GSE1: variants seen among roughly 807,000 people sequenced by gnomAD.
The protein encoded by GSE1 is Gse1 coiled-coil protein, also known as genetic suppressor element 1.
GSE1 carries 32 observed loss-of-function variants against 112.6 expected under a neutral mutation model. The observed-to-expected ratio is 0.28, with a 90% confidence interval of 0.21 to 0.38. GSE1 has a LOEUF of 0.38. Ranked by LOEUF, GSE1 falls within the 10% of genes least tolerant of loss-of-function variation. The pLI is 1.00. For missense variants in GSE1, 2,348 were observed against 1,699.2 expected, an observed-to-expected ratio of 1.38 and a Z score of -6.71; for synonymous variants, 1,115 against 735.6, an observed-to-expected ratio of 1.52 and a Z score of -8.35.
At chr16:85,388,348 A>G (rs62648810) in intron 2 of GSE1, among the ~76,000 whole-genome samples, 32,927 of 34,590 alleles carry the variant, frequency 0.95, 15,863 homozygotes, top group South Asian at 0.97. Context: ...GTATGGCTGG[A>G]TGGATGGGTG....
At chr16:85,255,763 A>G (rs967385498) in intron 1 of GSE1, among the ~76,000 whole-genome samples, 4 of 151,022 alleles carry the variant, frequency 2.6e-5, no homozygotes, top group African/African-American at 9.8e-5. Flanking sequence ...ATCTCGGCTC[A>G]CTGTAGCCTC....
intron 1 of GSE1, among the ~76,000 whole-genome samples, chr16:85,219,465 G>C (rs1280102795): frequency 6.6e-6 from 1 of 152,222 alleles, no homozygotes; most frequent in Non-Finnish European, 1.5e-5. Context: ...CCTGGGGCTG[G>C]CCTGGGTCCT....
intron 1 of GSE1, among the ~76,000 whole-genome samples, chr16:85,189,868 C>G (rs1036497158): frequency 6.6e-6 from 1 of 152,168 alleles, no homozygotes; most frequent in Non-Finnish European, 1.5e-5. Flanking sequence ...GATGTCCCCC[C>G]TTTCATTCCT....
chr16:85,619,689 C>T (rs1218265618), intron 1 of GSE1, among the ~76,000 whole-genome samples: 1 of 152,178 alleles, frequency 6.6e-6, no homozygotes, highest in Non-Finnish European at 1.5e-5. Context: ...TGTGGCTGCC[C>T]CAGCCTATGA....
At chr16:85,264,498 G>T (rs1908032683) in intron 1 of GSE1, among the ~76,000 whole-genome samples, 1 of 152,054 alleles carries the variant, frequency 6.6e-6, no homozygotes, top group African/African-American at 2.4e-5. Flanking sequence ...TCCCTCCTCG[G>T]CCGACTCTCC....
At chr16:85,192,077 A>G (rs1468070526) in intron 1 of GSE1, among the ~76,000 whole-genome samples, 1 of 152,250 alleles carries the variant, frequency 6.6e-6, no homozygotes, top group African/African-American at 2.4e-5. Context: ...CGCCATCCAG[A>G]GCTTCCAGCC....
At chr16:85,289,430 C>G (rs1164594904) in intron 1 of GSE1, among the ~76,000 whole-genome samples, 1 of 152,186 alleles carries the variant, frequency 6.6e-6, no homozygotes, top group African/African-American at 2.4e-5. Flanking sequence ...TTCGTGTCCC[C>G]TAAGTGACAC....
rs377187224 is a variant in GSE1 at position 85,655,718 on chromosome 16, C to T, written c.798-8C>T. Reference sequence around the variant, plus strand: ...TTTGCTGCTCACAGCCCCGTCTTCTCTGCACAGGATGGACGACTCCTACTG... The same window carrying T: ...TTTGCTGCTCACAGCCCCGTCTTCTTTGCACAGGATGGACGACTCCTACTG... On this transcript the variant is annotated splice_polypyrimidine_tract_variant and splice_region_variant and intron_variant, in intron 5 of 15. Coordinates refer to ENST00000253458, the MANE Select transcript of GSE1 (RefSeq NM_014615.5). The T allele has an allele frequency of 5.3e-4, 841 of 1,584,418 alleles. No individual in the cohort carries two copies. The highest frequency in any genetic ancestry group is 2.9e-3 in the East Asian group (129 of 44,608).
intron 1 of GSE1, among the ~76,000 whole-genome samples, chr16:85,196,475 G>A (rs773481067): frequency 5.7e-4 from 87 of 152,322 alleles, no homozygotes; most frequent in Non-Finnish European, 1.0e-3. Flanking sequence ...ATGAGTGTGT[G>A]TGACTTTCTT....
intron 2 of GSE1, among the ~76,000 whole-genome samples, chr16:85,431,293 T>C (rs984635537): frequency 2.6e-5 from 4 of 152,322 alleles, no homozygotes; most frequent in Middle Eastern, 3.4e-3. Context: ...GCCCTGTCCA[T>C]ACGGGAGCTC....
At chr16:85,644,663 G>A (rs1488965235) in intron 2 of GSE1, among the ~76,000 whole-genome samples, 1 of 152,182 alleles carries the variant, frequency 6.6e-6, no homozygotes, top group Non-Finnish European at 1.5e-5. Context: ...GGAGACGGGA[G>A]TGGTTGCTCA....
intron 1 of GSE1, among the ~76,000 whole-genome samples, chr16:85,185,604 T>G (rs2074683161): frequency 6.6e-6 from 1 of 152,268 alleles, no homozygotes; most frequent in African/African-American, 2.4e-5. Context: ...GAGATGGTTC[T>G]GAGCATATTG....
At position 85,170,263 on chromosome 16, in the gene GSE1, G is replaced by T. The variant is rs1348016952; in HGVS notation, c.739G>T (p.Glu247Ter). 2.0e-6 allele frequency: 2 copies of T among 985,544 alleles called. No homozygotes were observed. The highest frequency in any genetic ancestry group is 1.7e-5 in the African/African-American group (1 of 57,238). The allele number at this position is 985,544 out of a possible 1,614,324, so 61.0% of individuals were successfully genotyped here. ...CCCCGCGAAGGCCCACGCGGATGGG[G>T]AGCCCAAGTCCGGGGTTAGGCGCCG... is the stretch of plus-strand genomic sequence containing the variant. The change falls in exon 1 of 3, where the codon GAG becomes TAG. Residue 247 changes from glutamate (E) to a stop codon, truncating the protein, a stop_gained. Coordinates refer to the GSE1 transcript ENST00000637419. LOFTEE classifies it high-confidence loss of function.
At chr16:85,661,807 C>T (rs1218678655) in intron 9 of GSE1, 42 bp downstream of exon 9, 5 of 1,450,110 alleles carry the variant, frequency 3.4e-6, no homozygotes, top group South Asian at 1.4e-5. Flanking sequence ...GGGAGAGCCG[C>T]ACAGTGGGGA....
intron 2 of GSE1, among the ~76,000 whole-genome samples, chr16:85,486,935 A>T (rs1310274280): frequency 6.6e-6 from 1 of 152,082 alleles, no homozygotes; most frequent in Non-Finnish European, 1.5e-5. Context: ...TTTTTTACTG[A>T]TGAGTGGTCA....
intron 2 of GSE1, among the ~76,000 whole-genome samples, chr16:85,535,612 G>C (rs2044298709): frequency 6.6e-6 from 1 of 152,216 alleles, no homozygotes; most frequent in Non-Finnish European, 1.5e-5. Flanking sequence ...GAGGAAGGCT[G>C]CTTGGGGGTT....
At chr16:85,604,173 C>T (rs1305314742) in intron 1 of GSE1, among the ~76,000 whole-genome samples, 3 of 152,130 alleles carry the variant, frequency 2.0e-5, no homozygotes, top group Non-Finnish European at 1.5e-5. Flanking sequence ...CAGCCACTCC[C>T]CTCTCCCCTC....
In GSE1 at chr16:85,670,980, C is replaced by T. The variant is rs773341825; in HGVS notation, c.3416-15C>T. On this transcript the variant is annotated splice_polypyrimidine_tract_variant and intron_variant, in intron 14 of 15. Coordinates refer to ENST00000253458, the MANE Select transcript of GSE1 (RefSeq NM_014615.5). Reference sequence around the variant, plus strand: ...CTGCATACGGAAAATACATCACCATCTCCTGTCTTTTCAGAGCAAAATCTG... The same window carrying T: ...CTGCATACGGAAAATACATCACCATTTCCTGTCTTTTCAGAGCAAAATCTG... The T allele has an allele frequency of 2.0e-6, 3 of 1,531,448 alleles. No individual in the cohort carries two copies. The highest frequency in any genetic ancestry group is 1.8e-6 in the Non-Finnish European group (2 of 1,105,078). The allele number at this position is 1,531,448 out of a possible 1,614,324, so 94.9% of individuals were successfully genotyped here.
intron 1 of GSE1, among the ~76,000 whole-genome samples, chr16:85,325,760 A>AT (rs11442480): frequency 0.35 from 46,926 of 135,066 alleles, 9,399 homozygotes; most frequent in African/African-American, 0.6. Context: ...CCTTCAGTCA[A>AT]TTTTTTTTTT....
Sources: allele counts gnomAD v4.1 joint callset (sites outside exome capture counted in the v4.1 genomes callset), GRCh38; gene constraint gnomAD v4.1.1; transcripts MANE v1.5; gene names NCBI Gene and HGNC (gene_info 2026-07-23, HGNC 2026-07-21).